ANK1: variants seen among roughly 807,000 people sequenced by gnomAD.
ANK1 encodes ankyrin 1, also known as ankyrin-1.
A neutral mutation model predicts 210.4 loss-of-function variants in ANK1; 51 were observed. That is an observed-to-expected ratio of 0.24 (90% CI 0.19 to 0.31). The LOEUF is 0.31. Ranked by LOEUF, ANK1 falls within the 10% of genes least tolerant of loss-of-function variation. The pLI is 1.00. For missense variants in ANK1, 2,051 were observed against 2,504.4 expected, an observed-to-expected ratio of 0.82 and a Z score of 3.86; for synonymous variants, 967 against 1,025.9, an observed-to-expected ratio of 0.94 and a Z score of 1.10.
At chr8:41,774,734 C>A (rs962338156) in intron 1 of ANK1, among the ~76,000 whole-genome samples, 1 of 152,230 alleles carries the variant, frequency 6.6e-6, no homozygotes, top group Admixed American at 6.5e-5. Flanking sequence ...TCCAAGTGCA[C>A]CCGCATCACC....
chr8:41,855,244 C>T (rs1303405965), intron 1 of ANK1, among the ~76,000 whole-genome samples: 1 of 152,152 alleles, frequency 6.6e-6, no homozygotes, highest in African/African-American at 2.4e-5. Context: ...AGAGATAGGA[C>T]ACAAAAATGT....
intron 37 of ANK1, among the ~76,000 whole-genome samples, chr8:41,674,064 A>G (rs1375352354): frequency 2.6e-5 from 4 of 152,078 alleles, no homozygotes; most frequent in Admixed American, 6.5e-5. Flanking sequence ...CTCACATGCA[A>G]CTGCCCCCGG....
chr8:41,819,587 G>A (rs1433333210), intron 1 of ANK1, among the ~76,000 whole-genome samples: 3 of 152,166 alleles, frequency 2.0e-5, no homozygotes, highest in African/African-American at 7.2e-5. Context: ...TACTGGGATT[G>A]GACTTTCCCA....
Position 41,672,764 on chromosome 8 carries a change from C to T in ANK1, c.4686G>A (p.Glu1562=). The T allele has an allele frequency of 6.2e-7, 1 of 1,602,788 alleles. No individual in the cohort carries two copies. Among genetic ancestry groups the T allele is most frequent in the South Asian group, 1.1e-5 (1 of 89,428 alleles). ...LAATEHDTML[E]MSDMQVWSAG... is the part of the protein sequence containing the mutation. ...CAGACCACACCTGCATGTCAGACAT[C>T]TCCAGCATGGTGTCATGCTCCGTGG... Residue 1562 remains glutamate, a synonymous_variant, in exon 38 of 43, where the codon GAG becomes GAA. Coordinates refer to ENST00000289734, the MANE Select transcript of ANK1 (RefSeq NM_000037.4).
intron 1 of ANK1, among the ~76,000 whole-genome samples, chr8:41,775,334 C>T (rs56387461): frequency 0.011 from 1,673 of 152,314 alleles, 41 homozygotes; most frequent in African/African-American, 0.038. Context: ...TGGCCCATTG[C>T]CAGCCAGAGA....
intron 39 of ANK1, chr8:41,664,903 G>T (rs1809912190): frequency 6.2e-7 from 1 of 1,614,206 alleles, no homozygotes; most frequent in African/African-American, 1.3e-5. Context: ...AGCTCCTGGT[G>T]GATGTGCTTT....
chr8:41,805,267 G>A (rs1850796931), intron 1 of ANK1, among the ~76,000 whole-genome samples: 1 of 143,514 alleles, frequency 7.0e-6, no homozygotes, highest in South Asian at 2.2e-4. Flanking sequence ...CTCTCTCTCT[G>A]ATTCTTGCTC....
intron 1 of ANK1, among the ~76,000 whole-genome samples, chr8:41,806,818 T>C (rs1304104844): frequency 6.6e-6 from 1 of 152,198 alleles, no homozygotes; most frequent in African/African-American, 2.4e-5. Context: ...TCCATGACGA[T>C]TGTCCAGTTT....
rs369154098 is a variant in ANK1, at chr8:41,873,316, G to A, written c.126+23039C>T. 2.6e-5 allele frequency among the ~76,000 whole-genome samples: 4 copies of A among 152,292 alleles called. No individual in the cohort carries two copies. In the South Asian group the frequency reaches 8.3e-4, roughly 32 times the overall value. On this transcript the variant is annotated intron_variant, in intron 1 of 42. Transcript: ENST00000265709. Reference sequence around the variant, plus strand: ...TGGTCCATCACATCCTGACAGTGCCGCTTTCTCTTAGGGATGTCTCCTTCC... The same window carrying A: ...TGGTCCATCACATCCTGACAGTGCCACTTTCTCTTAGGGATGTCTCCTTCC...
At chr8:41,660,877 G>A (rs1207183103) in intron 42 of ANK1, 3 of 287,234 alleles carry the variant, frequency 1.0e-5, no homozygotes, top group Non-Finnish European at 2.0e-5. Context: ...CCTCAGTCTT[G>A]GAGCTCTTAT....
At chr8:41,697,272 C>T (rs1414065605) in intron 24 of ANK1, among the ~76,000 whole-genome samples, 1 of 152,202 alleles carries the variant, frequency 6.6e-6, no homozygotes, top group Non-Finnish European at 1.5e-5. Flanking sequence ...GGGCTTCCTG[C>T]CTCCTCACCT....
intron 15 of ANK1, among the ~76,000 whole-genome samples, chr8:41,714,574 A>T (rs1250307375): frequency 6.6e-6 from 1 of 152,176 alleles, no homozygotes; most frequent in Non-Finnish European, 1.5e-5. Flanking sequence ...ATGGAAATAT[A>T]AACAGGCCGG....
intron 1 of ANK1, among the ~76,000 whole-genome samples, chr8:41,850,944 G>C (rs953583125): frequency 2.6e-5 from 4 of 152,230 alleles, no homozygotes; most frequent in African/African-American, 9.6e-5. Context: ...CTCTTTCTAA[G>C]GGAGGCGGGG....
At chr8:41,764,246 C>A (rs1011307366) in intron 1 of ANK1, among the ~76,000 whole-genome samples, 2 of 152,068 alleles carry the variant, frequency 1.3e-5, no homozygotes, top group Admixed American at 6.5e-5. Flanking sequence ...AGCTACAGAG[C>A]AAATGGCCCT....
intron 1 of ANK1, among the ~76,000 whole-genome samples, chr8:41,759,522 C>CAAACAAACAAAA (rs1554601874): frequency 2.0e-5 from 3 of 151,994 alleles, no homozygotes; most frequent in Non-Finnish European, 4.4e-5. Context: ...AACAAACAAA[C>CAAACAAACAAAA]AAAAAAACCC....
At chr8:41,881,560 C>T (rs1421978451) in intron 1 of ANK1, among the ~76,000 whole-genome samples, 2 of 152,204 alleles carry the variant, frequency 1.3e-5, no homozygotes, top group East Asian at 1.9e-4. Context: ...ATATAACATT[C>T]CCATCAAGCT....
At chr8:41,737,358 G>A (rs1445089420) in intron 2 of ANK1, among the ~76,000 whole-genome samples, 1 of 152,154 alleles carries the variant, frequency 6.6e-6, no homozygotes, top group Non-Finnish European at 1.5e-5. Context: ...GATGATGAAA[G>A]CATATCTTCC....
intron 1 of ANK1, among the ~76,000 whole-genome samples, chr8:41,883,518 GGCACAATCATAGTTCACT>G (rs1282855598): frequency 6.6e-6 from 1 of 152,080 alleles, no homozygotes. Context: ...TAAAGTTCAT[GGCACAATCATAGTTCACT>G]GCAGCCTCAA....
At chr8:41,767,743 A>AGG (rs1842167877) in intron 1 of ANK1, among the ~76,000 whole-genome samples, 1 of 151,996 alleles carries the variant, frequency 6.6e-6, no homozygotes. Context: ...GCCCCTGCGG[A>AGG]GGGGAGGCAC....
Sources: allele counts gnomAD v4.1 joint callset (sites outside exome capture counted in the v4.1 genomes callset), GRCh38; gene constraint gnomAD v4.1.1; transcripts MANE v1.5; gene names NCBI Gene and HGNC (gene_info 2026-07-23, HGNC 2026-07-21).